The following FGF7 variants were observed in gnomAD, a reference collection of about 807,000 sequenced individuals.
FGF7 encodes fibroblast growth factor 7.
A neutral mutation model predicts 20.5 loss-of-function variants in FGF7; 6 were observed. The observed-to-expected ratio is 0.29, with a 90% CI of 0.16 to 0.58. The LOEUF (loss-of-function observed/expected upper bound fraction) is 0.58, where lower values mean the gene tolerates loss of function less well. FGF7 is among the 20% of genes least tolerant of loss of function. The pLI is 0.90. For synonymous variants in FGF7, 64 were observed against 74.7 expected, an observed-to-expected ratio of 0.86 and a Z score of 0.74; for missense variants, 144 against 228.8, an observed-to-expected ratio of 0.63 and a Z score of 2.39.
At chr15:49,430,372 C>T (rs1244017161) in intron 2 of FGF7, among the ~76,000 whole-genome samples, 1 of 151,758 alleles carries the variant, frequency 6.6e-6, no homozygotes, top group Non-Finnish European at 1.5e-5. Context: ...TGACTATGAA[C>T]TCAGATGCTC....
chr15:49,467,962 T>A (rs1235249093), intron 2 of FGF7, among the ~76,000 whole-genome samples: 1 of 152,194 alleles, frequency 6.6e-6, no homozygotes, highest in Non-Finnish European at 1.5e-5. Context: ...AATATCACAC[T>A]GTATATTGCA....
At chr15:49,445,284 C>A (rs1203187409) in intron 2 of FGF7, among the ~76,000 whole-genome samples, 2 of 151,544 alleles carry the variant, frequency 1.3e-5, no homozygotes, top group Admixed American at 1.3e-4. Context: ...CTACCTCCTG[C>A]TAGTAGTTCC....
At chr15:49,430,054 C>A (rs1479409404) in intron 2 of FGF7, among the ~76,000 whole-genome samples, 1 of 151,816 alleles carries the variant, frequency 6.6e-6, no homozygotes, top group African/African-American at 2.4e-5. Flanking sequence ...CTTGATTAGG[C>A]ATAAATCTCT....
intron 2 of FGF7, among the ~76,000 whole-genome samples, chr15:49,468,853 T>C (rs1171546467): frequency 1.3e-5 from 2 of 152,200 alleles, no homozygotes; most frequent in Non-Finnish European, 2.9e-5. Flanking sequence ...GCAGTCACTC[T>C]GCTTAACTGA....
At chr15:49,467,129 C>A (rs538121344) in intron 2 of FGF7, among the ~76,000 whole-genome samples, 8 of 152,128 alleles carry the variant, frequency 5.3e-5, no homozygotes, top group Non-Finnish European at 1.0e-4. Flanking sequence ...GTAAGTTTCA[C>A]GGAGTATATT....
intron 2 of FGF7, among the ~76,000 whole-genome samples, chr15:49,433,324 T>C (rs1389302037): frequency 6.6e-6 from 1 of 151,652 alleles, no homozygotes; most frequent in East Asian, 2.0e-4. Context: ...ATAAGTACCA[T>C]ATCTTACTTT....
At chr15:49,444,383 AT>A (rs1238779779) in intron 2 of FGF7, among the ~76,000 whole-genome samples, 1 of 151,778 alleles carries the variant, frequency 6.6e-6, no homozygotes, top group Non-Finnish European at 1.5e-5. Flanking sequence ...ACAGTAACAG[AT>A]TATGTTTTAT....
At chr15:49,441,665 A>C (rs940480622) in intron 2 of FGF7, among the ~76,000 whole-genome samples, 1 of 151,714 alleles carries the variant, frequency 6.6e-6, no homozygotes, top group African/African-American at 2.4e-5. Context: ...ACATCATTTC[A>C]TATGTTCAGC....
intron 2 of FGF7, among the ~76,000 whole-genome samples, chr15:49,428,660 G>A (rs1445537517): frequency 6.6e-6 from 1 of 152,000 alleles, no homozygotes; most frequent in Non-Finnish European, 1.5e-5. Flanking sequence ...GTGGAAGACA[G>A]AATCCAATCC....
intron 2 of FGF7, among the ~76,000 whole-genome samples, chr15:49,451,616 A>G (rs569064911): frequency 7.2e-5 from 11 of 152,194 alleles, no homozygotes; most frequent in African/African-American, 2.4e-4. Context: ...CTACACATTC[A>G]TTGACCTTGA....
chr15:49,451,379 G>T (rs2151886062), intron 2 of FGF7, among the ~76,000 whole-genome samples: 1 of 152,052 alleles, frequency 6.6e-6, no homozygotes, highest in East Asian at 1.9e-4. Context: ...TCTGTAAAGT[G>T]TTGAATAGTA....
At chr15:49,471,401 T>A (rs2054737452) in intron 2 of FGF7, among the ~76,000 whole-genome samples, 1 of 151,500 alleles carries the variant, frequency 6.6e-6, no homozygotes, top group Non-Finnish European at 1.5e-5. Context: ...GAGAATTGCT[T>A]GAACCTGAGA....
At chr15:49,452,672 T>C (rs1381831791) in intron 2 of FGF7, among the ~76,000 whole-genome samples, 1 of 152,150 alleles carries the variant, frequency 6.6e-6, no homozygotes, top group African/African-American at 2.4e-5. Flanking sequence ...TTGAGAGAAA[T>C]CCTATTATTT....
chr15:49,433,472 T>C (rs1218379359), intron 2 of FGF7, among the ~76,000 whole-genome samples: 1 of 151,716 alleles, frequency 6.6e-6, no homozygotes, highest in Non-Finnish European at 1.5e-5. Context: ...TAAAATTAGA[T>C]GTAAATAAGA....
At chr15:49,456,996 A>G (rs527913446) in intron 2 of FGF7, among the ~76,000 whole-genome samples, 15 of 152,116 alleles carry the variant, frequency 9.9e-5, no homozygotes, top group Non-Finnish European at 1.9e-4. Context: ...GCTCAAAATC[A>G]CAGAGCTAGT....
intron 2 of FGF7, among the ~76,000 whole-genome samples, chr15:49,450,864 T>A (rs1280181785): frequency 6.6e-6 from 1 of 152,170 alleles, no homozygotes; most frequent in Non-Finnish European, 1.5e-5. Context: ...GCCCAGTTAT[T>A]CTTTTCCACA....
chr15:49,475,273 T>C (rs1814711), intron 2 of FGF7, among the ~76,000 whole-genome samples: 105,979 of 152,050 alleles, frequency 0.7, 37,203 homozygotes, highest in East Asian at 0.92. Flanking sequence ...TATTCATGAG[T>C]TTGAAGAGAG....
At chr15:49,456,103 A>G (rs2053259681) in intron 2 of FGF7, among the ~76,000 whole-genome samples, 1 of 152,166 alleles carries the variant, frequency 6.6e-6, no homozygotes, top group African/African-American at 2.4e-5. Context: ...TGTTAAAAGT[A>G]AGTCTAGACT....
intron 2 of FGF7, among the ~76,000 whole-genome samples, chr15:49,428,686 A>C (rs1005759027): frequency 2.0e-5 from 3 of 152,004 alleles, no homozygotes; most frequent in Admixed American, 6.6e-5. Flanking sequence ...GATAATTTTC[A>C]TGCTTTTGGT....
Sources: allele counts gnomAD v4.1 joint callset (sites outside exome capture counted in the v4.1 genomes callset), GRCh38; gene constraint gnomAD v4.1.1; transcripts MANE v1.5; gene names NCBI Gene and HGNC (gene_info 2026-07-23, HGNC 2026-07-21).